DLG2: variants seen among roughly 807,000 people sequenced by gnomAD.
DLG2 encodes disks large homolog 2.
Under a neutral mutation model 132.5 loss-of-function variants are expected in DLG2, and 45 were observed. That is an observed-to-expected ratio of 0.34 (90% CI 0.27 to 0.44). The LOEUF (loss-of-function observed/expected upper bound fraction) is 0.44, where lower values mean the gene tolerates loss of function less well. DLG2 is among the 20% of genes least tolerant of loss of function. The pLI, the probability that DLG2 is intolerant of heterozygous loss-of-function variation, is 1.00. For missense variants in DLG2, 1,045 were observed against 1,196.9 expected, an observed-to-expected ratio of 0.87 and a Z score of 1.87; for synonymous variants, 424 against 419.6, an observed-to-expected ratio of 1.01 and a Z score of -0.13.
chr11:83,995,785 A>G (rs1373290956), intron 11 of DLG2, among the ~76,000 whole-genome samples: 1 of 152,188 alleles, frequency 6.6e-6, no homozygotes, highest in Non-Finnish European at 1.5e-5. Context: ...AGAAGAATGA[A>G]ACTAGACCCC....
At chr11:84,555,721 G>A (rs998344121) in intron 6 of DLG2, among the ~76,000 whole-genome samples, 1 of 152,224 alleles carries the variant, frequency 6.6e-6, no homozygotes, top group Non-Finnish European at 1.5e-5. Context: ...AGAGGAAGAA[G>A]TTCGGGGGAT....
chr11:85,437,660 C>A (rs1037703859), intron 3 of DLG2, among the ~76,000 whole-genome samples: 2 of 151,944 alleles, frequency 1.3e-5, no homozygotes, highest in Non-Finnish European at 2.9e-5. Context: ...CTTAACAGCA[C>A]AAATTTTAGA....
chr11:85,402,641 A>G (rs2088260801), intron 3 of DLG2, among the ~76,000 whole-genome samples: 1 of 152,218 alleles, frequency 6.6e-6, no homozygotes, highest in Non-Finnish European at 1.5e-5. Context: ...AAACAAATTT[A>G]CAAGAAAAAA....
At chr11:85,248,866 TGACAG>T (rs565634554) in intron 4 of DLG2, among the ~76,000 whole-genome samples, 107 of 151,966 alleles carry the variant, frequency 7.0e-4, no homozygotes, top group African/African-American at 2.5e-3. Flanking sequence ...AGTCAAGGAG[TGACAG>T]ATTCAGACTT....
intron 6 of DLG2, among the ~76,000 whole-genome samples, chr11:84,754,410 T>C (rs2066587360): frequency 6.6e-6 from 1 of 152,170 alleles, no homozygotes; most frequent in Non-Finnish European, 1.5e-5. Flanking sequence ...TCTGCTAGAA[T>C]AAAATAATCT....
At chr11:84,010,847 C>T (rs769716518) in intron 11 of DLG2, among the ~76,000 whole-genome samples, 3 of 152,030 alleles carry the variant, frequency 2.0e-5, no homozygotes, top group Admixed American at 6.6e-5. Flanking sequence ...GCTGAAGTCT[C>T]GAGTCGATCA....
At chr11:84,616,916 GC>G (rs2099605375) in intron 6 of DLG2, among the ~76,000 whole-genome samples, 1 of 151,466 alleles carries the variant, frequency 6.6e-6, no homozygotes, top group African/African-American at 2.4e-5. Context: ...AATAATTTTT[GC>G]AAAGAAGCAT....
chr11:84,172,222 T>C (rs1217573789), intron 8 of DLG2, among the ~76,000 whole-genome samples: 1 of 152,214 alleles, frequency 6.6e-6, no homozygotes, highest in Admixed American at 6.5e-5. Flanking sequence ...ACTATGAAGT[T>C]ATAATAAGAC....
chr11:84,224,713 T>A (rs1211864448), intron 8 of DLG2, among the ~76,000 whole-genome samples: 3 of 152,200 alleles, frequency 2.0e-5, no homozygotes, highest in African/African-American at 4.8e-5. Flanking sequence ...CTTGAGTCAA[T>A]GCTCTTAACT....
chr11:85,111,781 A>G, intron 5 of DLG2, 46 bp from the exon 6 acceptor site: 1 of 1,385,964 alleles, frequency 7.2e-7, no homozygotes, highest in Non-Finnish European at 1.0e-6. Context: ...ATTATGGGCC[A>G]GTATGTATAT....
chr11:83,647,538 G>A (rs1221687686), intron 18 of DLG2: 1 of 152,180 alleles, frequency 6.6e-6, no homozygotes, highest in African/African-American at 2.4e-5. Context: ...GATACCCAAG[G>A]CCTTTAATAC....
intron 19 of DLG2, among the ~76,000 whole-genome samples, chr11:83,554,008 C>G (rs935839640): frequency 6.6e-6 from 1 of 151,558 alleles, no homozygotes; most frequent in African/African-American, 2.4e-5. Context: ...GGATCTTTGC[C>G]TTAGCTTCCT....
At chr11:84,923,081 A>C in intron 6 of DLG2, 3 of 1,613,780 alleles carry the variant, frequency 1.9e-6, no homozygotes, top group Non-Finnish European at 2.5e-6. Flanking sequence ...TCTTACCTTC[A>C]CGTTAGTCCG....
chr11:83,738,504 G>C (rs1350549231), intron 18 of DLG2, among the ~76,000 whole-genome samples: 1 of 152,036 alleles, frequency 6.6e-6, no homozygotes, highest in Non-Finnish European at 1.5e-5. Context: ...AAATACATTA[G>C]GGAGAAAAGC....
intron 3 of DLG2, among the ~76,000 whole-genome samples, chr11:85,347,713 G>T (rs538496993): frequency 6.6e-6 from 1 of 151,818 alleles, no homozygotes; most frequent in Admixed American, 6.6e-5. Flanking sequence ...AAACTTCAGA[G>T]GGCAAAGGGG....
chr11:84,373,398 C>T (rs1198720251), intron 7 of DLG2, among the ~76,000 whole-genome samples: 5 of 151,664 alleles, frequency 3.3e-5, no homozygotes, highest in Non-Finnish European at 4.4e-5. Flanking sequence ...GATGAAACCC[C>T]GTCTCTACTA....
At chr11:85,101,138 C>T (rs2070781438) in intron 6 of DLG2, among the ~76,000 whole-genome samples, 1 of 152,028 alleles carries the variant, frequency 6.6e-6, no homozygotes, top group Admixed American at 6.6e-5. Flanking sequence ...GCTTTTAACA[C>T]TTCTTTCTTT....
intron 7 of DLG2, among the ~76,000 whole-genome samples, chr11:84,456,846 T>G (rs888596117): frequency 2.0e-5 from 3 of 151,322 alleles, no homozygotes; most frequent in African/African-American, 7.3e-5. Flanking sequence ...ATGCTTGATG[T>G]ATTGTAGATG....
At position 83,548,834 on chromosome 11, in the gene DLG2, T is replaced by TCTGCA. The variant is rs569666458; in HGVS notation, c.1941-6977_1941-6976insTGCAG. Among the ~76,000 whole-genome samples the TCTGCA allele has an allele frequency of 3.0e-4, 46 of 152,286 alleles. 1 individual carries two copies. The South Asian group carries it at 8.9e-3, about 30-fold the overall frequency. Reference sequence around the variant, plus strand: ...TTCCTTCTCTAAAATTGCAAATCACTCTGCTCTTTTACCTCTCTGGGAAGC... The same window carrying TCTGCA: ...TTCCTTCTCTAAAATTGCAAATCACTCTGCACTGCTCTTTTACCTCTCTGGGAAGC... On this transcript the variant is annotated intron_variant, in intron 19 of 27. Transcript: ENST00000376104.
Sources: allele counts gnomAD v4.1 joint callset (sites outside exome capture counted in the v4.1 genomes callset), GRCh38; gene constraint gnomAD v4.1.1; transcripts MANE v1.5; gene names NCBI Gene and HGNC (gene_info 2026-07-23, HGNC 2026-07-21).